DZIP3: variants seen among roughly 807,000 people sequenced by gnomAD.
The protein encoded by DZIP3 is E3 ubiquitin-protein ligase DZIP3.
DZIP3 carries 118 observed loss-of-function variants against 162.0 expected under a neutral mutation model. The observed-to-expected ratio is 0.73, with a 90% CI of 0.63 to 0.85. DZIP3 has a LOEUF of 0.85. Among genes scored for constraint, DZIP3 ranks in the 40% least tolerant of loss-of-function variants. DZIP3 has a pLI of 0.00. For missense variants in DZIP3, 1,331 were observed against 1,407.0 expected (o/e 0.95, Z 0.86); for synonymous variants, 438 against 458.6 (o/e 0.96, Z 0.57).
chr3:108,589,721 C>T, upstream of DZIP3: 1 of 205,034 alleles, frequency 4.9e-6, no homozygotes, highest in South Asian at 7.2e-5. Context: ...GGGGATTCCT[C>T]ACTCAGCTGT....
rs1314059350 is a variant in DZIP3, at chr3:108,605,404, A to C, written c.-3A>C. Reference sequence around the variant, plus strand: ...AGATTTTTGTAAAGAAACCTTGTGCAGCATGGATTCTCTACCAGATGAATT... The same window carrying C: ...AGATTTTTGTAAAGAAACCTTGTGCCGCATGGATTCTCTACCAGATGAATT... On this transcript the variant is annotated 5_prime_UTR_variant, in exon 2 of 33. Coordinates refer to ENST00000361582, the MANE Select transcript of DZIP3 (RefSeq NM_014648.4). 1 of 1,613,596 alleles carries C rather than the reference A, an allele frequency of 6.2e-7. No individual in the cohort carries two copies. Among genetic ancestry groups the C allele is most frequent in the African/African-American group, 1.3e-5 (1 of 74,892 alleles).
intron 32 of DZIP3, among the ~76,000 whole-genome samples, chr3:108,691,865 C>T (rs940586600): frequency 6.6e-5 from 10 of 152,092 alleles, no homozygotes; most frequent in Non-Finnish European, 8.8e-5. Flanking sequence ...CTCCTGAAAA[C>T]CCATTTGTCT....
chr3:108,667,571 A>G (rs1056018142), intron 21 of DZIP3, among the ~76,000 whole-genome samples: 1 of 152,156 alleles, frequency 6.6e-6, no homozygotes, highest in Non-Finnish European at 1.5e-5. Flanking sequence ...CAGTATCTTG[A>G]CTGTATTACC....
chr3:108,622,750 G>A (rs1941411569), intron 5 of DZIP3, among the ~76,000 whole-genome samples: 1 of 151,206 alleles, frequency 6.6e-6, no homozygotes, highest in Non-Finnish European at 1.5e-5. Flanking sequence ...TACCATCTTG[G>A]TAGTCTTTGG....
intron 9 of DZIP3, among the ~76,000 whole-genome samples, chr3:108,633,797 ATCTC>A (rs1223470214): frequency 2.5e-5 from 2 of 78,504 alleles, no homozygotes; most frequent in East Asian, 4.0e-4. Flanking sequence ...CTTCTGATAG[ATCTC>A]TCTCTCTCTG....
chr3:108,686,687 A>G, intron 28 of DZIP3, 103 bp downstream of exon 28: 2 of 1,310,796 alleles, frequency 1.5e-6, no homozygotes, highest in Non-Finnish European at 2.0e-6. Flanking sequence ...ACAAACACAA[A>G]AAAAGTACAG....
chr3:108,687,841 C>A, intron 28 of DZIP3, 135 bp from the exon 29 acceptor site: 1 of 1,149,892 alleles, frequency 8.7e-7, no homozygotes, highest in Non-Finnish European at 1.2e-6. Context: ...TTTTTTAGAT[C>A]AAAGACCTAA....
At chr3:108,645,013 C>T (rs1358448145) in intron 14 of DZIP3, among the ~76,000 whole-genome samples, 1 of 152,058 alleles carries the variant, frequency 6.6e-6, no homozygotes, top group Non-Finnish European at 1.5e-5. Context: ...AGTTAAAGAA[C>T]TATTAATGGT....
At chr3:108,660,115 T>C (rs1430683933) in intron 19 of DZIP3, among the ~76,000 whole-genome samples, 4 of 152,064 alleles carry the variant, frequency 2.6e-5, no homozygotes, top group Non-Finnish European at 4.4e-5. Flanking sequence ...CAATGACTTT[T>C]TTCACAGAAT....
intron 21 of DZIP3, among the ~76,000 whole-genome samples, chr3:108,664,440 C>A (rs1409423069): frequency 1.3e-5 from 2 of 152,194 alleles, no homozygotes; most frequent in African/African-American, 2.4e-5. Context: ...AGCTGACTTC[C>A]AAGTTCCACT....
chr3:108,633,413 G>C (rs1341100304), intron 9 of DZIP3, among the ~76,000 whole-genome samples: 1 of 151,912 alleles, frequency 6.6e-6, no homozygotes, highest in Non-Finnish European at 1.5e-5. Flanking sequence ...AATTGTTAGA[G>C]GTTAAGAATG....
intron 19 of DZIP3, 68 bp downstream of exon 19, chr3:108,654,378 A>T: frequency 6.4e-7 from 1 of 1,551,298 alleles, no homozygotes. Flanking sequence ...GACTCTTTAA[A>T]CAGCATCACC....
intron 12 of DZIP3, among the ~76,000 whole-genome samples, chr3:108,638,557 T>C (rs995851194): frequency 3.9e-5 from 6 of 152,326 alleles, no homozygotes; most frequent in African/African-American, 1.4e-4. Flanking sequence ...GACCTCATTA[T>C]CTGCCTGCCT....
intron 3 of DZIP3, among the ~76,000 whole-genome samples, chr3:108,608,944 C>T (rs1465109761): frequency 6.6e-6 from 1 of 152,068 alleles, no homozygotes; most frequent in Non-Finnish European, 1.5e-5. Flanking sequence ...GCTGGGTAGT[C>T]CTCAAGAAAC....
chr3:108,667,368 T>G (rs1042608427), intron 21 of DZIP3, among the ~76,000 whole-genome samples: 1 of 152,178 alleles, frequency 6.6e-6, no homozygotes, highest in Non-Finnish European at 1.5e-5. Flanking sequence ...CAGAAGATTA[T>G]GCTGATTGAA....
intron 5 of DZIP3, among the ~76,000 whole-genome samples, chr3:108,618,269 CATCTT>C (rs1204211733): frequency 6.6e-6 from 1 of 152,188 alleles, no homozygotes; most frequent in Non-Finnish European, 1.5e-5. Context: ...CACAATTCTG[CATCTT>C]ATCTTGTTCT....
intron 3 of DZIP3, among the ~76,000 whole-genome samples, chr3:108,609,419 A>G (rs548926390): frequency 6.6e-6 from 1 of 152,324 alleles, no homozygotes; most frequent in South Asian, 2.1e-4. Context: ...AGACATTTCT[A>G]GATGCAGAAT....
intron 12 of DZIP3, among the ~76,000 whole-genome samples, chr3:108,640,319 A>AT (rs139619517): frequency 0.3 from 40,990 of 137,712 alleles, 5,944 homozygotes; most frequent in East Asian, 0.46. Flanking sequence ...TATACTATTC[A>AT]TTTTTTTTTT....
intron 21 of DZIP3, 136 bp downstream of exon 21, chr3:108,662,393 A>G: frequency 9.2e-7 from 1 of 1,092,290 alleles, no homozygotes; most frequent in Non-Finnish European, 1.2e-6. Context: ...GCACTTGTTT[A>G]AAAACCAACC....
Sources: gnomAD v4.1 joint callset for allele counts (sites outside exome capture counted in the v4.1 genomes callset) on GRCh38, gnomAD v4.1.1 for gene constraint, MANE v1.5 for transcripts, NCBI Gene and HGNC (gene_info 2026-07-23, HGNC 2026-07-21) for gene names.